The following PAPPA variants were observed in gnomAD, a reference collection of about 807,000 sequenced individuals.
PAPPA encodes pappalysin 1.
A neutral mutation model predicts 164.0 loss-of-function variants in PAPPA; 60 were observed. The ratio of observed to expected loss-of-function variants is 0.37; its 90% CI spans 0.30 to 0.45. PAPPA has a LOEUF of 0.45. PAPPA is among the 20% of genes least tolerant of loss of function. The probability of loss-of-function intolerance (pLI) is 1.00; values close to 1 mark genes in which losing one functional copy is unlikely to be tolerated. For synonymous variants in PAPPA, 875 were observed against 814.1 expected, an observed-to-expected ratio of 1.07 and a Z score of -1.27; for missense variants, 1,782 against 2,087.3, an observed-to-expected ratio of 0.85 and a Z score of 2.85.
chr9:116,191,488 C>A (rs553603154), intron 2 of PAPPA, among the ~76,000 whole-genome samples: 2 of 152,322 alleles, frequency 1.3e-5, no homozygotes, highest in East Asian at 3.9e-4. Context: ...TTGGGCATGT[C>A]TATCCCACCA....
chr9:116,284,553 T>C (rs1845308222), intron 9 of PAPPA, among the ~76,000 whole-genome samples: 1 of 146,090 alleles, frequency 6.8e-6, no homozygotes, highest in South Asian at 2.2e-4. Context: ...GCCTTTTTTT[T>C]TTTTTTTTTT....
chr9:116,195,658 G>C (rs1297506185), intron 2 of PAPPA, among the ~76,000 whole-genome samples: 1 of 152,176 alleles, frequency 6.6e-6, no homozygotes, highest in East Asian at 1.9e-4. Flanking sequence ...CTGGCACATA[G>C]TGAAGTCTGA....
chr9:116,250,399 G>A (rs562245396), intron 7 of PAPPA, among the ~76,000 whole-genome samples: 1 of 152,274 alleles, frequency 6.6e-6, no homozygotes, highest in South Asian at 2.1e-4. Flanking sequence ...TTCCATCCAA[G>A]GATGTTAGTC....
chr9:116,358,885 C>T (rs1588019285), intron 17 of PAPPA, among the ~76,000 whole-genome samples: 1 of 152,186 alleles, frequency 6.6e-6, no homozygotes, highest in African/African-American at 2.4e-5. Context: ...TTCTAAACTT[C>T]TCTTAGAGAC....
chr9:116,238,776 C>A (rs142662963), intron 7 of PAPPA, among the ~76,000 whole-genome samples: 1 of 152,250 alleles, frequency 6.6e-6, no homozygotes, highest in African/African-American at 2.4e-5. Context: ...CTGGGATGGG[C>A]TGGGCTTCCT....
At chr9:116,318,022 C>A (rs1292365792) in intron 10 of PAPPA, among the ~76,000 whole-genome samples, 2 of 152,220 alleles carry the variant, frequency 1.3e-5, no homozygotes, top group African/African-American at 4.8e-5. Context: ...GCATCTCAAA[C>A]TTATCCTTCA....
intron 7 of PAPPA, among the ~76,000 whole-genome samples, chr9:116,237,917 G>C (rs1392109457): frequency 6.6e-6 from 1 of 151,706 alleles, no homozygotes; most frequent in Admixed American, 6.6e-5. Flanking sequence ...ACGGGGTTTT[G>C]CCAGGTTGGC....
intron 19 of PAPPA, among the ~76,000 whole-genome samples, chr9:116,369,369 G>T (rs916985205): frequency 6.6e-6 from 1 of 152,144 alleles, no homozygotes; most frequent in Non-Finnish European, 1.5e-5. Context: ...TCAAGGACAG[G>T]TTCCTCATTG....
intron 9 of PAPPA, among the ~76,000 whole-genome samples, chr9:116,278,548 A>G (rs929499758): frequency 3.3e-5 from 5 of 152,196 alleles, no homozygotes; most frequent in African/African-American, 1.2e-4. Flanking sequence ...ATCACCCTAG[A>G]AATGTTCCAT....
intron 10 of PAPPA, among the ~76,000 whole-genome samples, chr9:116,308,772 C>CG (rs1845678892): frequency 6.6e-6 from 1 of 152,216 alleles, no homozygotes; most frequent in Admixed American, 6.5e-5. Flanking sequence ...GCTAAGATCT[C>CG]CATCTTTTGG....
Position 116,161,285 on chromosome 9 carries a change from T to A in PAPPA, c.415+6698T>A, listed in dbSNP as rs1211121884. On this transcript the variant is annotated intron_variant, in intron 1 of 21. Coordinates refer to ENST00000328252, the MANE Select transcript of PAPPA (RefSeq NM_002581.5). Reference sequence around the variant, plus strand: ...TCTGCCAAATCCTGCCACTTACTGCTTTATGACCTTGACCATTTACCGCTT... The same window carrying A: ...TCTGCCAAATCCTGCCACTTACTGCATTATGACCTTGACCATTTACCGCTT... 4.6e-5 allele frequency among the ~76,000 whole-genome samples: 7 copies of A among 152,218 alleles called. No homozygotes were observed. In the East Asian group the frequency reaches 1.3e-3, roughly 29 times the overall value.
chr9:116,377,010 C>T (rs568617379), intron 19 of PAPPA, among the ~76,000 whole-genome samples: 27 of 152,268 alleles, frequency 1.8e-4, no homozygotes, highest in Admixed American at 5.9e-4. Flanking sequence ...GGCCTGGTCT[C>T]AGAGAGTCCA....
intron 19 of PAPPA, among the ~76,000 whole-genome samples, chr9:116,372,611 G>A (rs557332908): frequency 6.6e-6 from 1 of 152,148 alleles, no homozygotes; most frequent in South Asian, 2.1e-4. Context: ...CTTGCCCAGG[G>A]ATGCTGAGAG....
rs1336674863 is a variant in PAPPA, at chr9:116,159,469, C to T, written c.415+4882C>T. ...GGAACAATTAGACTCCTTCAAATAC[C>T]TTTCTTTCAATTTGATCTTCTCCTC... On this transcript the variant is annotated intron_variant, in intron 1 of 21. Transcript: ENST00000328252. Among the ~76,000 whole-genome samples the T allele has an allele frequency of 2.6e-5, 4 of 152,130 alleles. No individual in the cohort carries two copies. In the East Asian group the frequency reaches 7.7e-4, roughly 29 times the overall value.
At chr9:116,266,684 G>T (rs1845071899) in intron 8 of PAPPA, among the ~76,000 whole-genome samples, 1 of 152,114 alleles carries the variant, frequency 6.6e-6, no homozygotes, top group Non-Finnish European at 1.5e-5. Context: ...GCAAACAGGG[G>T]TGAGGAGCCA....
intron 2 of PAPPA, among the ~76,000 whole-genome samples, chr9:116,206,057 C>T (rs192112794): frequency 1.4e-4 from 22 of 152,260 alleles, no homozygotes; most frequent in Admixed American, 6.5e-4. Flanking sequence ...TCTTCCCTGA[C>T]GACAGAGCAG....
At chr9:116,366,978 T>G (rs7033487) in intron 18 of PAPPA, among the ~76,000 whole-genome samples, 1 of 152,096 alleles carries the variant, frequency 6.6e-6, no homozygotes, top group Non-Finnish European at 1.5e-5. Flanking sequence ...GTGCTCATCA[T>G]TCACTCGGCC....
intron 7 of PAPPA, among the ~76,000 whole-genome samples, chr9:116,238,624 T>C (rs1441797586): frequency 6.6e-6 from 1 of 152,176 alleles, no homozygotes; most frequent in African/African-American, 2.4e-5. Flanking sequence ...TCGACACTCT[T>C]ATGCACAATT....
chr9:116,330,410 G>C (rs1233594581), intron 10 of PAPPA, among the ~76,000 whole-genome samples: 1 of 151,770 alleles, frequency 6.6e-6, no homozygotes, highest in African/African-American at 2.4e-5. Context: ...TTATCATTTT[G>C]TCCCAGAGTG....
Sources: gnomAD v4.1 joint callset for allele counts (sites outside exome capture counted in the v4.1 genomes callset) on GRCh38, gnomAD v4.1.1 for gene constraint, MANE v1.5 for transcripts, NCBI Gene and HGNC (gene_info 2026-07-23, HGNC 2026-07-21) for gene names.